CNTNAP2: variants seen among roughly 807,000 people sequenced by gnomAD.
CNTNAP2 encodes contactin-associated protein-like 2.
In CNTNAP2, 98 loss-of-function variants were observed where a neutral mutation model predicts 155.2. The observed-to-expected ratio is 0.63, with a 90% CI of 0.54 to 0.75. The LOEUF (loss-of-function observed/expected upper bound fraction) is 0.75. Among genes scored for constraint, CNTNAP2 ranks in the 30% least tolerant of loss-of-function variants. The probability of loss-of-function intolerance (pLI) is 0.00; values close to 1 mark genes in which losing one functional copy is unlikely to be tolerated. For missense variants in CNTNAP2, 1,727 were observed against 1,688.1 expected (o/e 1.02, Z -0.40); for synonymous variants, 651 against 631.2 (o/e 1.03, Z -0.47).
intron 1 of CNTNAP2, among the ~76,000 whole-genome samples, chr7:146,641,138 A>G (rs1204852379): frequency 6.6e-6 from 1 of 152,126 alleles, no homozygotes; most frequent in Non-Finnish European, 1.5e-5. Context: ...CATCCTGGCT[A>G]ACACTGTGAA....
intron 8 of CNTNAP2, among the ~76,000 whole-genome samples, chr7:147,151,411 A>C (rs576979264): frequency 6.6e-6 from 1 of 152,300 alleles, no homozygotes; most frequent in East Asian, 1.9e-4. Context: ...AATGATAGTA[A>C]AGTCACATAT....
intron 1 of CNTNAP2, among the ~76,000 whole-genome samples, chr7:146,243,428 ATCT>A (rs2116930703): frequency 6.6e-6 from 1 of 152,176 alleles, no homozygotes; most frequent in Admixed American, 6.5e-5. Flanking sequence ...ACATTTCCAG[ATCT>A]TCTCTTTTGG....
chr7:148,259,819 T>C (rs1796524739), intron 20 of CNTNAP2, among the ~76,000 whole-genome samples: 1 of 152,262 alleles, frequency 6.6e-6, no homozygotes, highest in Admixed American at 6.5e-5. Flanking sequence ...CACAAGGTCC[T>C]GCCTAAATCA....
intron 13 of CNTNAP2, among the ~76,000 whole-genome samples, chr7:147,691,922 C>T (rs917150770): frequency 6.6e-6 from 1 of 152,046 alleles, no homozygotes; most frequent in Non-Finnish European, 1.5e-5. Flanking sequence ...GTTGTACATG[C>T]GTGGGTTTTG....
intron 17 of CNTNAP2, among the ~76,000 whole-genome samples, chr7:148,153,265 C>T (rs1239687114): frequency 4.0e-5 from 6 of 148,830 alleles, no homozygotes; most frequent in African/African-American, 9.9e-5. Context: ...AGAGAAGACA[C>T]AGTTCACCTC....
chr7:147,768,626 G>A (rs1000749527), intron 13 of CNTNAP2, among the ~76,000 whole-genome samples: 15 of 152,056 alleles, frequency 9.9e-5, no homozygotes, highest in African/African-American at 2.9e-4. Context: ...GAGGCCACTT[G>A]TAATAGGACA....
At chr7:148,106,493 G>GATAGATAGAT (rs1490418389) in intron 15 of CNTNAP2, among the ~76,000 whole-genome samples, 4 of 124,924 alleles carry the variant, frequency 3.2e-5, no homozygotes, top group African/African-American at 1.4e-4. Flanking sequence ...CACACTTTGA[G>GATAGATAGAT]ATATATATAT....
chr7:148,291,237 T>C (rs1460035653), intron 21 of CNTNAP2, among the ~76,000 whole-genome samples: 3 of 151,290 alleles, frequency 2.0e-5, no homozygotes, highest in Non-Finnish European at 4.4e-5. Context: ...AGTATGTAAG[T>C]GATCAGCATG....
At chr7:147,011,317 G>C (rs143038797) in intron 3 of CNTNAP2, among the ~76,000 whole-genome samples, 1 of 150,906 alleles carries the variant, frequency 6.6e-6, no homozygotes, top group South Asian at 2.1e-4. Context: ...GGAAGGCTAA[G>C]GTAGGAGAAT....
chr7:147,711,712 CAA>C (rs1000931715), intron 13 of CNTNAP2, among the ~76,000 whole-genome samples: 1 of 152,146 alleles, frequency 6.6e-6, no homozygotes, highest in African/African-American at 2.4e-5. Flanking sequence ...GCTAAACACT[CAA>C]AGATTCCATT....
rs374031878 is a variant in CNTNAP2, at chr7:146,814,089, T to C, written c.209-25622T>C. The stretch of plus-strand genomic sequence containing the variant: ...TTACCCAGTCTCAGGCAGTTCTTTA[T>C]AGCAGCATAAGAACTGACTAACACA... On this transcript the variant is annotated intron_variant, in intron 2 of 23. Coordinates refer to ENST00000361727, the MANE Select transcript of CNTNAP2 (RefSeq NM_014141.6). Among the ~76,000 whole-genome samples, 6 of 152,320 alleles carry C rather than the reference T, an allele frequency of 3.9e-5. No individual in the cohort carries two copies. In the South Asian group the frequency reaches 1.2e-3, roughly 32 times the overall value.
chr7:147,763,200 G>C (rs377002348), intron 13 of CNTNAP2, among the ~76,000 whole-genome samples: 7 of 151,098 alleles, frequency 4.6e-5, no homozygotes, highest in African/African-American at 1.7e-4. Context: ...CGGAGGTTGT[G>C]GTGAGCCAAG....
chr7:147,433,814 A>G (rs1797504178), intron 10 of CNTNAP2, among the ~76,000 whole-genome samples: 1 of 152,248 alleles, frequency 6.6e-6, no homozygotes, highest in African/African-American at 2.4e-5. Flanking sequence ...AAAATCGAAA[A>G]GGAACTTATT....
chr7:146,707,691 T>G (rs6945320), intron 1 of CNTNAP2, among the ~76,000 whole-genome samples: 35,446 of 152,108 alleles, frequency 0.23, 10,407 homozygotes, highest in African/African-American at 0.69. Context: ...CCTCTGTCTA[T>G]TTCCTATTCC....
intron 12 of CNTNAP2, among the ~76,000 whole-genome samples, chr7:147,569,899 G>C (rs1346041651): frequency 6.6e-6 from 1 of 152,206 alleles, no homozygotes; most frequent in Non-Finnish European, 1.5e-5. Flanking sequence ...AGAGACTTGG[G>C]ATCTTCTTGG....
chr7:146,824,328 A>C (rs1803358178), intron 2 of CNTNAP2, among the ~76,000 whole-genome samples: 1 of 152,198 alleles, frequency 6.6e-6, no homozygotes, highest in African/African-American at 2.4e-5. Flanking sequence ...TGCTATCATA[A>C]ATAGTGTTGT....
At chr7:148,105,505 T>C (rs1395815067) in intron 15 of CNTNAP2, among the ~76,000 whole-genome samples, 4 of 152,184 alleles carry the variant, frequency 2.6e-5, no homozygotes, top group Non-Finnish European at 4.4e-5. Flanking sequence ...CAATACTATA[T>C]ATTCTGCAAG....
chr7:148,161,228 T>C (rs1476112065), intron 17 of CNTNAP2, among the ~76,000 whole-genome samples: 4 of 152,214 alleles, frequency 2.6e-5, no homozygotes, highest in Admixed American at 6.5e-5. Flanking sequence ...CGCAGGTGTC[T>C]TTTATGCAAA....
chr7:148,324,760 A>C lies in CNTNAP2; in HGVS notation c.3475+57634A>C, dbSNP rs1254592457. On this transcript the variant is annotated intron_variant, in intron 21 of 23. Coordinates refer to ENST00000361727, the MANE Select transcript of CNTNAP2 (RefSeq NM_014141.6). ...CAATGAGCCAAGATCGTGCCACTGC[A>C]CTCCAGCTTGGGTGACAGAGTAAGA... 2.4e-5 allele frequency among the ~76,000 whole-genome samples: 3 copies of C among 125,280 alleles called. No individual in the cohort carries two copies. The Admixed American group carries it at 3.2e-4, about 13-fold the overall frequency. 82.2% of individuals were successfully genotyped at this position (125,280 alleles called of 152,430 possible). A position where few individuals can be genotyped will look rare whatever the true frequency, so the allele number is the denominator to read the frequency against.
Sources: allele counts gnomAD v4.1 joint callset (sites outside exome capture counted in the v4.1 genomes callset), GRCh38; gene constraint gnomAD v4.1.1; transcripts MANE v1.5; gene names NCBI Gene and HGNC (gene_info 2026-07-23, HGNC 2026-07-21).